VPS37A: variants seen among roughly 807,000 people sequenced by gnomAD.
The protein encoded by VPS37A is VPS37A subunit of ESCRT-I, also known as vacuolar protein sorting-associated protein 37A.
VPS37A carries 30 observed loss-of-function variants against 49.8 expected under a neutral mutation model. The observed-to-expected ratio is 0.60, with a 90% CI of 0.45 to 0.82. The LOEUF (loss-of-function observed/expected upper bound fraction) is 0.82, where lower values mean the gene tolerates loss of function less well. Among genes scored for constraint, VPS37A ranks in the 40% least tolerant of loss-of-function variants. VPS37A has a pLI of 0.00. For missense variants in VPS37A, 593 were observed against 464.4 expected (o/e 1.28, Z -2.55); for synonymous variants, 195 against 160.6 (o/e 1.21, Z -1.62).
the VPS37A span, among the ~76,000 whole-genome samples, chr8:17,314,684 A>G: frequency 3.3e-5 from 5 of 152,346 alleles, no homozygotes; most frequent in African/African-American, 9.6e-5. Flanking sequence ...AATAACACCA[A>G]AATTCCCAGC....
downstream of VPS37A, among the ~76,000 whole-genome samples, chr8:17,306,407 G>C (rs1435132771): frequency 2.0e-5 from 3 of 152,016 alleles, no homozygotes; most frequent in South Asian, 4.1e-4. Flanking sequence ...AAAAATAGTG[G>C]TTTCCCAAGT....
intron 9 of VPS37A, among the ~76,000 whole-genome samples, chr8:17,282,682 T>C (rs1018367274): frequency 9.2e-5 from 14 of 152,142 alleles, no homozygotes; most frequent in Admixed American, 8.5e-4. Context: ...TTAACAGTTA[T>C]TCTGATCCTT....
At chr8:17,248,840 G>C (rs1221480596) in intron 1 of VPS37A, among the ~76,000 whole-genome samples, 1 of 152,132 alleles carries the variant, frequency 6.6e-6, no homozygotes, top group Non-Finnish European at 1.5e-5. Context: ...AAGAATGGCA[G>C]GCTGTTATTG....
At chr8:17,266,834 C>A (rs533235610) in intron 2 of VPS37A, among the ~76,000 whole-genome samples, 2 of 152,178 alleles carry the variant, frequency 1.3e-5, no homozygotes, top group African/African-American at 4.8e-5. Flanking sequence ...AGTGCAGTGG[C>A]ACAATCTTGG....
the VPS37A span, among the ~76,000 whole-genome samples, chr8:17,332,222 G>A: frequency 4.6e-5 from 7 of 151,946 alleles, no homozygotes; most frequent in South Asian, 1.5e-3. Flanking sequence ...CTCACCACCA[G>A]AAAAAAATAT....
At chr8:17,300,157 C>G, downstream of VPS37A, 1 of 1,614,146 alleles carries the variant, frequency 6.2e-7, no homozygotes, top group Non-Finnish European at 8.5e-7. Flanking sequence ...TGAGTGCTTG[C>G]TGGGCTCACT....
chr8:17,302,101 G>A (rs1325149979), downstream of VPS37A: 2 of 1,607,356 alleles, frequency 1.2e-6, no homozygotes, highest in East Asian at 2.2e-5. Flanking sequence ...ATGAAGCCTT[G>A]CTCTTCAAGA....
downstream of VPS37A, among the ~76,000 whole-genome samples, chr8:17,302,825 G>T (rs188455025): frequency 5.4e-5 from 8 of 149,148 alleles, no homozygotes; most frequent in African/African-American, 1.7e-4. Context: ...CGATTCTCCT[G>T]CCTCAGCCTC....
At chr8:17,314,350 C>T in the VPS37A span, among the ~76,000 whole-genome samples, 1 of 152,124 alleles carries the variant, frequency 6.6e-6, no homozygotes, top group Admixed American at 6.5e-5. Flanking sequence ...TTTTCTACCC[C>T]CAACTCCATG....
intron 4 of VPS37A, among the ~76,000 whole-genome samples, chr8:17,269,212 A>G (rs1473049144): frequency 2.0e-5 from 3 of 152,100 alleles, no homozygotes; most frequent in African/African-American, 4.8e-5. Context: ...TTGGCCTCCT[A>G]TTGTAATAGA....
intron 1 of VPS37A, among the ~76,000 whole-genome samples, chr8:17,260,644 G>C (rs1237873528): frequency 6.6e-6 from 1 of 152,024 alleles, no homozygotes; most frequent in Non-Finnish European, 1.5e-5. Flanking sequence ...GATGGGTCTT[G>C]GGGTGAATTC....
the VPS37A span, among the ~76,000 whole-genome samples, chr8:17,328,114 G>T: frequency 6.6e-6 from 1 of 152,292 alleles, no homozygotes; most frequent in Non-Finnish European, 1.5e-5. Context: ...TACTCGTGGG[G>T]AGAAAGTGAA....
chr8:17,268,343 G>T lies in VPS37A; in HGVS notation c.286G>T (p.Val96Leu), dbSNP rs1006701093. 6.8e-6 allele frequency: 11 copies of T among 1,612,928 alleles called. No individual in the cohort carries two copies. The highest frequency in any genetic ancestry group is 1.7e-4 in the Middle Eastern group (1 of 6,048). Residue 96 changes from valine (V) to leucine (L), a missense_variant, in exon 3 of 12, where the codon GTG becomes TTG. Transcript: ENST00000324849. ...ACATCACTTAATGGATAAACAAGGA[G>T]TGTATGTTACCTCTCCATTAGTAAA... ...IRHHLMDKQG[V>L]YVTSPLVNNF...
At chr8:17,247,403 A>T in intron 1 of VPS37A, 34 bp downstream of exon 1, 1 of 139,940 alleles carries the variant, frequency 7.1e-6, no homozygotes, top group South Asian at 6.2e-5. Flanking sequence ...CGGAGGAAAA[A>T]GTAGGGTGGG....
rs1554502595 is a variant in VPS37A at position 17,297,790 on chromosome 8, A to AAAG, written c.*2805_*2807dup. The AAAG allele has an allele frequency of 1.3e-5, 2 of 152,024 alleles. No individual in the cohort carries two copies. The highest frequency in any genetic ancestry group is 2.9e-5 in the Non-Finnish European group (2 of 67,900). The allele number at this position is 152,024 out of a possible 1,614,324, so 9.4% of individuals were successfully genotyped here. A position where few individuals can be genotyped will look rare whatever the true frequency, so the allele number is the denominator to read the frequency against. ...TCTGAAGAATCTGTGAAAGTACAGT[A>AAAG]AAGTTTTAATAAGCAATAAATGTAA... On this transcript the variant is annotated 3_prime_UTR_variant, in exon 12 of 12. Transcript: ENST00000324849.
At position 17,297,753 on chromosome 8, in the gene VPS37A, G is replaced by C. The variant is rs564780353; in HGVS notation, c.*2767G>C. The stretch of plus-strand genomic sequence containing the variant: ...TGTTGGGGATATTTTAGTCTTGTTG[G>C]GTTAGCCATGCTCTGAAGAATCTGT... On this transcript the variant is annotated 3_prime_UTR_variant, in exon 12 of 12. Transcript: ENST00000324849. 6.6e-6 allele frequency: 1 copy of C among 150,938 alleles called. No individual in the cohort carries two copies. Among genetic ancestry groups the C allele is most frequent in the East Asian group, 2.0e-4 (1 of 5,128 alleles). The allele number at this position is 150,938 out of a possible 1,614,324, so 9.3% of individuals were successfully genotyped here. A position where few individuals can be genotyped will look rare whatever the true frequency, so the allele number is the denominator to read the frequency against.
In VPS37A at chr8:17,293,183, G is replaced by A. The variant is rs536625141; in HGVS notation, c.*1-1804G>A. ...CTTTTTTCTCTAATCTTGTCTTCAC[G>A]CTTTTTTTCATAAAATTGATCTTCA... On this transcript the variant is annotated intron_variant, in intron 11 of 11. Coordinates refer to ENST00000324849, the MANE Select transcript of VPS37A (RefSeq NM_152415.3). 1.5e-3 allele frequency among the ~76,000 whole-genome samples: 223 copies of A among 151,204 alleles called. 1 individual carries two copies. The highest frequency in any genetic ancestry group is 1.9e-3 in the Non-Finnish European group (130 of 67,854).
Position 17,274,740 on chromosome 8 carries a change from A to G in VPS37A, c.424A>G (p.Ser142Gly), listed in dbSNP as rs371463914. ...PTSTAFPYLY[S>G]NPSGMSPYAS... ...TTCTCTTTTTCTTTTCAGTCTATAC[A>G]GTAACCCAAGTGGGATGTCTCCTTA... The change falls in exon 5 of 12, where the codon AGT (serine) becomes GGT (glycine). Residue 142 changes from serine (S) to glycine (G), a missense_variant. Physicochemically the swap from Ser to Gly is moderately conservative, Grantham distance 56. Transcript: ENST00000324849. 15 of 1,613,424 alleles carry G rather than the reference A, an allele frequency of 9.3e-6. No homozygotes were observed. In the African/African-American group the frequency reaches 1.7e-4, roughly 19 times the overall value.
intron 2 of VPS37A, among the ~76,000 whole-genome samples, chr8:17,267,494 A>C (rs145033931): frequency 6.6e-6 from 1 of 151,150 alleles, no homozygotes; most frequent in Non-Finnish European, 1.5e-5. Flanking sequence ...TGTTGAAAAT[A>C]TACTGTTCTT....
Sources: gnomAD v4.1 joint callset for allele counts (sites outside exome capture counted in the v4.1 genomes callset) on GRCh38, gnomAD v4.1.1 for gene constraint, MANE v1.5 for transcripts, NCBI Gene and HGNC (gene_info 2026-07-23, HGNC 2026-07-21) for gene names.